TEX11: variants seen among roughly 807,000 people sequenced by gnomAD.
TEX11 encodes the protein testis expressed 11.
TEX11 carries 7 observed loss-of-function variants against 84.4 expected under a neutral mutation model. The observed-to-expected ratio is 0.08, with a 90% CI of 0.05 to 0.16. TEX11 has a LOEUF of 0.16. Ranked by LOEUF, TEX11 falls within the 10% of genes least tolerant of loss-of-function variation. TEX11 has a pLI of 1.00. For synonymous variants in TEX11, 264 were observed against 222.8 expected (o/e 1.18, Z -1.64); for missense variants, 551 against 660.5 (o/e 0.83, Z 1.82).
chrX:70,521,739 C>T, the TEX11 span, among the ~76,000 whole-genome samples: 1 of 111,860 alleles, frequency 8.9e-6, no homozygotes, highest in African/African-American at 3.2e-5. Flanking sequence ...TTTGTGAGAG[C>T]ATAAGGCTAG....
At chrX:70,688,301 G>A (rs1045420499) in intron 13 of TEX11, among the ~76,000 whole-genome samples, 1 of 111,247 alleles carries the variant, frequency 9.0e-6, no homozygotes, top group Non-Finnish European at 1.9e-5. Flanking sequence ...CACTTGATTT[G>A]AAAACTTAGA....
At chrX:70,717,498 C>A (rs1196419488) in intron 13 of TEX11, among the ~76,000 whole-genome samples, 1 of 110,767 alleles carries the variant, frequency 9.0e-6, no homozygotes, top group Non-Finnish European at 1.9e-5. Flanking sequence ...TTTGTGTTTT[C>A]AGTAGAGACA....
chrX:70,587,777 T>C (rs1227458483), intron 25 of TEX11, among the ~76,000 whole-genome samples: 1 of 111,877 alleles, frequency 8.9e-6, no homozygotes, highest in African/African-American at 3.3e-5. Context: ...GCTTGCACTG[T>C]GCACCCAGAA....
chrX:70,853,027 T>C lies in TEX11; in HGVS notation c.525+7A>G, dbSNP rs753052905. On this transcript the variant is annotated splice_region_variant and intron_variant, in intron 7 of 29. Transcript: ENST00000374333. ...CACTGGAAGACCCTGGTGCCCACGA[T>C]ACCTACTGACTCTGCTTGGTAAGAA... The C allele has an allele frequency of 8.3e-7, 1 of 1,208,412 alleles. No individual in the cohort carries two copies. Among genetic ancestry groups the C allele is most frequent in the Non-Finnish European group, 1.1e-6 (1 of 893,879 alleles).
chrX:70,539,659 C>T lies in TEX11; in HGVS notation c.2521-9660G>A, dbSNP rs1057260167. On this transcript the variant is annotated intron_variant, in intron 28 of 29. Transcript: ENST00000374333. Reference sequence around the variant, plus strand: ...TCTTAAAAATGAACCAAGAAATTTCCACTTCCATGAGATGGAATAAATGTA... The same window carrying T: ...TCTTAAAAATGAACCAAGAAATTTCTACTTCCATGAGATGGAATAAATGTA... 3.3e-4 allele frequency among the ~76,000 whole-genome samples: 37 copies of T among 111,247 alleles called. 1 individual carries two copies. Among genetic ancestry groups the T allele is most frequent in the African/African-American group, 1.1e-3 (33 of 30,543 alleles).
the TEX11 span, among the ~76,000 whole-genome samples, chrX:70,512,408 G>A: frequency 9.8e-3 from 1,047 of 107,229 alleles, 83 homozygotes; most frequent in African/African-American, 0.035. Flanking sequence ...TAGTAGCGAC[G>A]GGGTTTCACC....
intron 17 of TEX11, among the ~76,000 whole-genome samples, chrX:70,642,016 C>T (rs373940438): frequency 3.7e-5 from 4 of 109,047 alleles, no homozygotes; most frequent in Non-Finnish European, 5.7e-5. Flanking sequence ...ATTGATAGAC[C>T]GCTAGCAAGA....
rs1291671125 is a variant in TEX11, at chrX:70,880,074, G to A, written c.73C>T (p.Pro25Ser). 37 of 1,181,051 alleles carry A rather than the reference G, an allele frequency of 3.1e-5. No individual in the cohort carries two copies. Among genetic ancestry groups the A allele is most frequent in the Non-Finnish European group, 4.0e-5 (35 of 875,202 alleles). The change falls in exon 3 of 30, where the codon CCT becomes TCT. Residue 25 changes from proline (P) to serine (S), a missense_variant. By Grantham distance (74) the Pro-to-Ser change is moderately conservative. Coordinates refer to ENST00000374333, the MANE Select transcript of TEX11 (RefSeq NM_031276.3). ...CTATCAATTGCCTCTGGTATGTTAG[G>A]TGAATTATCATTTGTAACCAGGTTT... Reference protein sequence around the residue: ...VENLVTNDNSPNIPEAIDRLF... With the variant: ...VENLVTNDNSSNIPEAIDRLF...
intron 11 of TEX11, among the ~76,000 whole-genome samples, chrX:70,736,374 T>G (rs1216556117): frequency 9.0e-6 from 1 of 110,778 alleles, no homozygotes; most frequent in Non-Finnish European, 1.9e-5. Flanking sequence ...GAACAAGATA[T>G]AAAAAGCAAC....
chrX:70,873,399 A>C (rs1248185763), intron 3 of TEX11, 92 bp from the exon 4 acceptor site: 1 of 610,341 alleles, frequency 1.6e-6, no homozygotes, highest in East Asian at 3.5e-5. Flanking sequence ...TTATGTAACT[A>C]TTGTGGGTCA....
chrX:70,781,837 T>C (rs1468573284), intron 9 of TEX11, among the ~76,000 whole-genome samples: 2 of 111,334 alleles, frequency 1.8e-5, no homozygotes, highest in African/African-American at 6.5e-5. Context: ...AAATCTACGT[T>C]TGATTGGTGT....
chrX:70,870,281 C>T (rs967284274), intron 4 of TEX11, among the ~76,000 whole-genome samples: 2 of 111,595 alleles, frequency 1.8e-5, no homozygotes, highest in Non-Finnish European at 3.8e-5. Flanking sequence ...TAACATGGTA[C>T]GAGAACCCTA....
At chrX:70,620,477 A>G (rs753321805) in intron 20 of TEX11, among the ~76,000 whole-genome samples, 1 of 112,073 alleles carries the variant, frequency 8.9e-6, no homozygotes, top group South Asian at 3.8e-4. Context: ...GCACACAGCA[A>G]CAGGGACTCT....
intron 13 of TEX11, among the ~76,000 whole-genome samples, chrX:70,705,498 A>T (rs2090365133): frequency 8.9e-6 from 1 of 111,924 alleles, no homozygotes; most frequent in Non-Finnish European, 1.9e-5. Context: ...ACAGCAAAAG[A>T]AACTACCATC....
intron 9 of TEX11, among the ~76,000 whole-genome samples, chrX:70,772,586 T>G (rs1038842575): frequency 3.6e-5 from 4 of 110,510 alleles, no homozygotes; most frequent in Non-Finnish European, 7.6e-5. Flanking sequence ...AAAATTCTTT[T>G]TAAATAATAA....
rs186327370 is a variant in TEX11, at chrX:70,685,779, T to G, written c.1005-2954A>C. 3.6e-4 allele frequency among the ~76,000 whole-genome samples: 40 copies of G among 112,234 alleles called. 1 individual carries two copies. Among genetic ancestry groups the G allele is most frequent in the Admixed American group, 3.4e-3 (36 of 10,592 alleles). ...TTAATAATTGCCATTCTGACTGGTG[T>G]GAGATGGTATCTAATTGTGGTTTTG... On this transcript the variant is annotated intron_variant, in intron 13 of 29. Transcript: ENST00000374333.
chrX:70,852,901 T>C (rs1228960035), intron 7 of TEX11, 133 bp downstream of exon 7: 1 of 620,272 alleles, frequency 1.6e-6, no homozygotes, highest in East Asian at 3.6e-5. Flanking sequence ...ATAACAGAGA[T>C]AAAAAGGTCA....
intron 8 of TEX11, among the ~76,000 whole-genome samples, chrX:70,831,221 T>C (rs989887786): frequency 3.6e-5 from 4 of 111,889 alleles, no homozygotes; most frequent in African/African-American, 1.3e-4. Context: ...GAAAGACAAA[T>C]ACTGCATGAT....
intron 3 of TEX11, among the ~76,000 whole-genome samples, chrX:70,875,036 C>T (rs751045409): frequency 3.5e-4 from 38 of 108,965 alleles, no homozygotes; most frequent in Non-Finnish European, 6.9e-4. Context: ...ATTAGTCGTG[C>T]GTGGTGGCAG....
Sources: gnomAD v4.1 joint callset for allele counts (sites outside exome capture counted in the v4.1 genomes callset) on GRCh38, gnomAD v4.1.1 for gene constraint, MANE v1.5 for transcripts, NCBI Gene and HGNC (gene_info 2026-07-23, HGNC 2026-07-21) for gene names.